LRRC41: variants seen among roughly 807,000 people sequenced by gnomAD.
LRRC41 encodes leucine rich repeat containing 41.
In LRRC41, 17 loss-of-function variants were observed where a neutral mutation model predicts 72.1. The observed-to-expected ratio is 0.24, with a 90% CI of 0.16 to 0.35. The LOEUF (loss-of-function observed/expected upper bound fraction) is 0.35. Ranked by LOEUF, LRRC41 falls within the 10% of genes least tolerant of loss-of-function variation. The probability of loss-of-function intolerance (pLI) is 1.00; values close to 1 mark genes in which losing one functional copy is unlikely to be tolerated. For missense variants in LRRC41, 759 were observed against 1,065.0 expected, an observed-to-expected ratio of 0.71 and a Z score of 4.00; for synonymous variants, 427 against 431.0, an observed-to-expected ratio of 0.99 and a Z score of 0.11.
In LRRC41 at chr1:46,279,320, C is replaced by T. The variant is rs1176298327; in HGVS notation, c.2144-63G>A. The T allele has an allele frequency of 5.0e-6, 8 of 1,592,190 alleles. No homozygotes were observed. Among genetic ancestry groups the T allele is most frequent in the Non-Finnish European group, 6.9e-6 (8 of 1,160,140 alleles). The stretch of plus-strand genomic sequence containing the variant: ...AGAACAGGGGACAAGGGTATCCCAA[C>T]CCAACTATGGCTGGCAGAACCAGCC... On this transcript the variant is annotated intron_variant, in intron 8 of 9. Coordinates refer to ENST00000617190, the MANE Select transcript of LRRC41 (RefSeq NM_006369.5). The surrounding 1 kb of genome is among the most constrained non-coding windows in gnomAD (Gnocchi z 4.5).
At chr1:46,281,753 G>T (rs1023719270) in intron 4 of LRRC41, among the ~76,000 whole-genome samples, 1 of 152,212 alleles carries the variant, frequency 6.6e-6, no homozygotes, top group Admixed American at 6.5e-5. Flanking sequence ...TTGAAGGAAG[G>T]AAGTTTTGGA....
intron 3 of LRRC41, among the ~76,000 whole-genome samples, chr1:46,287,582 T>C (rs924411002): frequency 6.6e-6 from 1 of 152,218 alleles, no homozygotes; most frequent in Non-Finnish European, 1.5e-5. Flanking sequence ...AGAAGCTTTA[T>C]TTCCCACATC....
In LRRC41 at chr1:46,278,149, C is replaced by A. The variant is rs749368390; in HGVS notation, c.*716G>T. On this transcript the variant is annotated 3_prime_UTR_variant, in exon 10 of 10. Transcript: ENST00000617190. ...GGTTCTGACTGCACTTCAGACCTGG[C>A]AGGGTGGAACCACTGCACTGATAAG... 10 of 1,613,636 alleles carry A rather than the reference C, an allele frequency of 6.2e-6. 1 individual carries two copies. Among genetic ancestry groups the A allele is most frequent in the Middle Eastern group, 3.3e-4 (2 of 6,082 alleles).
At chr1:46,283,617 T>C (rs1346332691) in intron 4 of LRRC41, among the ~76,000 whole-genome samples, 1 of 152,106 alleles carries the variant, frequency 6.6e-6, no homozygotes, top group Non-Finnish European at 1.5e-5. Flanking sequence ...TAGTTGGCCT[T>C]TGAAACCACA....
chr1:46,285,066 C>T lies in LRRC41; in HGVS notation c.1495+296G>A. 1 of 444,436 alleles carries T rather than the reference C, an allele frequency of 2.3e-6. No individual in the cohort carries two copies. Among genetic ancestry groups the T allele is most frequent in the East Asian group, 4.4e-5 (1 of 22,926 alleles). The allele number at this position is 444,436 out of a possible 1,614,324, so 27.5% of individuals were successfully genotyped here. A position where few individuals can be genotyped will look rare whatever the true frequency, so the allele number is the denominator to read the frequency against. ...GCCTGAGCATGCATATACTATACTG[C>T]TCCCACCTGCCCTTGGACTGCCTTC... is the stretch of plus-strand genomic sequence containing the variant. On this transcript the variant is annotated intron_variant, in intron 4 of 9. Coordinates refer to ENST00000617190, the MANE Select transcript of LRRC41 (RefSeq NM_006369.5). This position sits in a 1 kb window ranked among gnomAD's most constrained non-coding sequence, Gnocchi z 5.3.
intron 3 of LRRC41, among the ~76,000 whole-genome samples, chr1:46,289,232 A>C (rs1433416262): frequency 6.6e-6 from 1 of 152,242 alleles, no homozygotes; most frequent in Non-Finnish European, 1.5e-5. Context: ...CTCCAGAAGC[A>C]GACTGCTTCA....
intron 1 of LRRC41, chr1:46,301,930 C>A (rs576067971): frequency 1.0e-6 from 1 of 983,760 alleles, no homozygotes; most frequent in Non-Finnish European, 1.2e-6. Context: ...CTCTCAGGCC[C>A]GAGGCCTCCC....
chr1:46,281,512 C>A lies in LRRC41; in HGVS notation c.1496-127G>T, dbSNP rs1310885449. ...TGGGCTTTGGCTCAGCTTATTTAAA[C>A]CCATTTGTCTTAACTACTCATCCAT... is the stretch of plus-strand genomic sequence containing the variant. On this transcript the variant is annotated intron_variant, in intron 4 of 9. Coordinates refer to ENST00000617190, the MANE Select transcript of LRRC41 (RefSeq NM_006369.5). 5 of 919,052 alleles carry A rather than the reference C, an allele frequency of 5.4e-6. No homozygotes were observed. In the Admixed American group the frequency reaches 1.4e-4, roughly 25 times the overall value. 56.9% of individuals were successfully genotyped at this position (919,052 alleles called of 1,614,324 possible).
At position 46,286,863 on chromosome 1, in the gene LRRC41, G is replaced by C. The variant is rs1660894287; in HGVS notation, c.358-364C>G. Among the ~76,000 whole-genome samples, 1 of 152,110 alleles carries C rather than the reference G, an allele frequency of 6.6e-6. No homozygotes were observed. Among genetic ancestry groups the C allele is most frequent in the African/African-American group, 2.4e-5 (1 of 41,400 alleles). On this transcript the variant is annotated intron_variant, in intron 3 of 9. Coordinates refer to ENST00000617190, the MANE Select transcript of LRRC41 (RefSeq NM_006369.5). This position sits in a 1 kb window ranked among gnomAD's most constrained non-coding sequence, Gnocchi z 5.5. The stretch of plus-strand genomic sequence containing the variant: ...AGATAGAGTCTCACTTTGTAGCCTA[G>C]GCTGGAGTGCAGTGGTGTGATCTCA...
At position 46,302,157 on chromosome 1, in the gene LRRC41, C is replaced by A. The variant is rs1390236127; in HGVS notation, c.199+967G>T. On this transcript the variant is annotated intron_variant, in intron 1 of 9. Transcript: ENST00000617190. The surrounding 1 kb of genome is among the most constrained non-coding windows in gnomAD (Gnocchi z 4.7). ...CTCCATCCAGGCCCGGCCCTTTGGT[C>A]CCGGCCGCCTTCAGGCCTGGGGCCC... The A allele has an allele frequency of 1.0e-6, 1 of 985,194 alleles. No homozygotes were observed. Among genetic ancestry groups the A allele is most frequent in the African/African-American group, 1.7e-5 (1 of 57,240 alleles). 61.0% of individuals were successfully genotyped at this position (985,194 alleles called of 1,614,324 possible).
chr1:46,292,133 G>A (rs1192898542), intron 3 of LRRC41, among the ~76,000 whole-genome samples: 6 of 151,828 alleles, frequency 4.0e-5, no homozygotes, highest in African/African-American at 1.2e-4. Flanking sequence ...GGCCAATGTG[G>A]TGAAACCTTG....
At chr1:46,281,419 TG>T in intron 4 of LRRC41, 34 bp from the exon 5 acceptor site, 5 of 1,607,350 alleles carry the variant, frequency 3.1e-6, no homozygotes, top group Non-Finnish European at 4.3e-6. Flanking sequence ...CAGAACCATG[TG>T]GGAGTGTCAG....
chr1:46,291,171 G>T lies in LRRC41; in HGVS notation c.358-4672C>A, dbSNP rs575477854. Among the ~76,000 whole-genome samples, 178 of 151,624 alleles carry T rather than the reference G, an allele frequency of 1.2e-3. 2 individuals carry two copies. In the Middle Eastern group the frequency reaches 0.014, roughly 12 times the overall value. On this transcript the variant is annotated intron_variant, in intron 3 of 9. Coordinates refer to ENST00000617190, the MANE Select transcript of LRRC41 (RefSeq NM_006369.5). Reference sequence around the variant, plus strand: ...AACTCCTGACCTCAAGTGATCCGCCGCCTTGGCCTCCCAAAGTGCTGGGAT... The same window carrying T: ...AACTCCTGACCTCAAGTGATCCGCCTCCTTGGCCTCCCAAAGTGCTGGGAT...
chr1:46,299,784 C>G, intron 1 of LRRC41: 1 of 151,188 alleles, frequency 6.6e-6, no homozygotes, highest in South Asian at 2.1e-4. Context: ...GGCTGAGGCA[C>G]AAGAATCACT....
In LRRC41 at chr1:46,285,542, C is replaced by G; in HGVS notation, c.1315G>C (p.Ala439Pro). 1.9e-6 allele frequency: 3 copies of G among 1,613,604 alleles called. No homozygotes were observed. The highest frequency in any genetic ancestry group is 2.5e-6 in the Non-Finnish European group (3 of 1,179,742). ...EMEIGEVACG[A>P]LDGSDPSCLG... Reference sequence around the variant, plus strand: ...CAGCTGGGATCTGATCCATCCAAAGCTCCACAAGCCACTTCCCCAATCTCC... The same window carrying G: ...CAGCTGGGATCTGATCCATCCAAAGGTCCACAAGCCACTTCCCCAATCTCC... The change falls in exon 4 of 10, where the codon GCT (alanine) becomes CCT (proline). Residue 439 changes from alanine (A) to proline (P), a missense_variant. Around this residue, in one of 4 missense-constraint regions of LRRC41, gnomAD observed 427 missense variants for 520.9 expected, o/e 0.82. Coordinates refer to ENST00000617190, the MANE Select transcript of LRRC41 (RefSeq NM_006369.5). This position sits in a 1 kb window ranked among gnomAD's most constrained non-coding sequence, Gnocchi z 5.3.
At chr1:46,293,600 C>A (rs1343833093) in intron 3 of LRRC41, among the ~76,000 whole-genome samples, 2 of 152,072 alleles carry the variant, frequency 1.3e-5, no homozygotes, top group African/African-American at 4.8e-5. Flanking sequence ...GAGACAGAGT[C>A]TCACTCTCAC....
chr1:46,279,142 C>T lies in LRRC41; in HGVS notation c.2219+40G>A, dbSNP rs2148310480. On this transcript the variant is annotated intron_variant, in intron 9 of 9. Transcript: ENST00000617190. This position sits in a 1 kb window ranked among gnomAD's most constrained non-coding sequence, Gnocchi z 4.5. ...AGCAGTGAATTCCTGGTCTATATCTCTGTAGCCCCATCCCTTGTCTTGCCC... is the reference window on the plus strand; with the variant it reads ...AGCAGTGAATTCCTGGTCTATATCTTTGTAGCCCCATCCCTTGTCTTGCCC... 1 of 1,612,424 alleles carries T rather than the reference C, an allele frequency of 6.2e-7. No individual in the cohort carries two copies. Among genetic ancestry groups the T allele is most frequent in the Non-Finnish European group, 8.5e-7 (1 of 1,178,678 alleles).
intron 3 of LRRC41, among the ~76,000 whole-genome samples, chr1:46,293,604 C>T (rs551338372): frequency 6.6e-6 from 1 of 152,132 alleles, no homozygotes; most frequent in Admixed American, 6.6e-5. Context: ...CAGAGTCTCA[C>T]TCTCACCCAG....
chr1:46,280,604 C>T, intron 5 of LRRC41, 44 bp from the exon 6 acceptor site: 1 of 1,598,462 alleles, frequency 6.3e-7, no homozygotes, highest in East Asian at 2.2e-5. Context: ...CCATCTCTAC[C>T]TCACTCCCAT....
Sources: gnomAD v4.1 joint callset for allele counts (sites outside exome capture counted in the v4.1 genomes callset) on GRCh38, gnomAD v4.1.1 for gene constraint, gnomAD v4.1.1 regional missense constraint, Gnocchi (gnomAD v3.1) non-coding constraint, MANE v1.5 for transcripts, NCBI Gene and HGNC (gene_info 2026-07-23, HGNC 2026-07-21) for gene names.